The following NKX2-2 variants were observed in gnomAD, a reference collection of about 807,000 sequenced individuals.
NKX2-2 encodes NK2 homeobox 2, also known as homeobox protein Nkx-2.2.
A neutral mutation model predicts 24.6 loss-of-function variants in NKX2-2; 8 were observed. The ratio of observed to expected loss-of-function variants is 0.32; its 90% CI spans 0.19 to 0.59. NKX2-2 has a LOEUF of 0.59. Among genes scored for constraint, NKX2-2 ranks in the 20% least tolerant of loss-of-function variants. The pLI is 0.86. For missense variants in NKX2-2, 381 were observed against 373.9 expected, an observed-to-expected ratio of 1.02 and a Z score of -0.16; for synonymous variants, 217 against 173.3, an observed-to-expected ratio of 1.25 and a Z score of -1.98.
chr20:21,516,431 C>A (rs1247329948), upstream of NKX2-2, among the ~76,000 whole-genome samples: 1 of 147,258 alleles, frequency 6.8e-6, no homozygotes, highest in Non-Finnish European at 1.5e-5. Flanking sequence ...CTGTCTTTCT[C>A]AGCGCCCCCC....
chr20:21,522,313 G>T, the NKX2-2 span, among the ~76,000 whole-genome samples: 1 of 152,270 alleles, frequency 6.6e-6, no homozygotes, highest in African/African-American at 2.4e-5. Context: ...GAGCTCCGGC[G>T]CCGCTCGGCG....
In NKX2-2 at chr20:21,513,477, AG is replaced by A; in HGVS notation, c.192del (p.Phe65SerfsTer119). On this transcript the variant is annotated frameshift_variant, in exon 1 of 2. Coordinates refer to ENST00000377142, the MANE Select transcript of NKX2-2 (RefSeq NM_002509.4). LOFTEE classifies it high-confidence loss of function. This position sits in a 1 kb window ranked among gnomAD's most constrained non-coding sequence, Gnocchi z 4.6. ...DAVQSLPLKN[P>X]FYDSSDNPYT... ...TACGGGTTGTCGCTGCTGTCGTAGAAGGGGTTCTTCAGGGGCAGGCTCTGCA... is the reference window on the plus strand; with the variant it reads ...TACGGGTTGTCGCTGCTGTCGTAGAAGGGTTCTTCAGGGGCAGGCTCTGCA... 1 of 1,610,212 alleles carries A rather than the reference AG, an allele frequency of 6.2e-7. No homozygotes were observed. Among genetic ancestry groups the A allele is most frequent in the Non-Finnish European group, 8.5e-7 (1 of 1,178,274 alleles).
upstream of NKX2-2, among the ~76,000 whole-genome samples, chr20:21,516,324 C>G (rs941986547): frequency 6.6e-6 from 1 of 151,892 alleles, no homozygotes; most frequent in Non-Finnish European, 1.5e-5. Flanking sequence ...TCCTTCCCCC[C>G]TTTTTTCCCC....
chr20:21,522,214 T>A, the NKX2-2 span, among the ~76,000 whole-genome samples: 1 of 152,212 alleles, frequency 6.6e-6, no homozygotes, highest in African/African-American at 2.4e-5. Context: ...CTTGCCCACC[T>A]GCTGCGTCCG....
the NKX2-2 span, among the ~76,000 whole-genome samples, chr20:21,521,688 G>A: frequency 5.7e-4 from 87 of 152,342 alleles, no homozygotes; most frequent in African/African-American, 2.0e-3. Context: ...CGCACAGGGG[G>A]CGACTTACCC....
upstream of NKX2-2, among the ~76,000 whole-genome samples, chr20:21,515,616 T>C (rs946247294): frequency 1.4e-5 from 2 of 143,560 alleles, no homozygotes; most frequent in Non-Finnish European, 3.0e-5. Flanking sequence ...GGTGCAGGGG[T>C]GTAGATTGGC....
chr20:21,516,111 T>C (rs1980631943), upstream of NKX2-2, among the ~76,000 whole-genome samples: 1 of 152,238 alleles, frequency 6.6e-6, no homozygotes, highest in Admixed American at 6.5e-5. Flanking sequence ...AAATAATACA[T>C]GATTGACGCT....
chr20:21,519,448 A>G, the NKX2-2 span, among the ~76,000 whole-genome samples: 3 of 152,052 alleles, frequency 2.0e-5, no homozygotes, highest in Non-Finnish European at 4.4e-5. Flanking sequence ...TCGGAGGGGG[A>G]AGGTTTATTT....
At chr20:21,521,612 G>T in the NKX2-2 span, among the ~76,000 whole-genome samples, 1 of 152,176 alleles carries the variant, frequency 6.6e-6, no homozygotes, top group Admixed American at 6.5e-5. Context: ...TCCACTGGGC[G>T]CCATCTCCAA....
the NKX2-2 span, among the ~76,000 whole-genome samples, chr20:21,522,122 G>A: frequency 6.6e-6 from 1 of 152,260 alleles, no homozygotes. Context: ...CTGCAGGCGC[G>A]ACAGAGGGGC....
upstream of NKX2-2, among the ~76,000 whole-genome samples, chr20:21,517,337 C>A (rs1296103983): frequency 6.6e-6 from 1 of 152,178 alleles, no homozygotes; most frequent in East Asian, 1.9e-4. Flanking sequence ...CTGGGGGCAG[C>A]TGGGCAGGGA....
rs765699044 is a variant in NKX2-2, at chr20:21,512,214, C to T, written c.531G>A (p.Gln177=). The part of the protein sequence containing the change: ...LTPTQVKIWF[Q]NHRYKMKRAR... ...CGCGCTTCATCTTGTAGCGGTGGTTCTGGAACCAGATCTTGACCTGCGTGG... is the reference window on the plus strand; with the variant it reads ...CGCGCTTCATCTTGTAGCGGTGGTTTTGGAACCAGATCTTGACCTGCGTGG... Residue 177 remains glutamine, a synonymous_variant, in exon 2 of 2, where the codon CAG becomes CAA. Transcript: ENST00000377142. The T allele has an allele frequency of 1.2e-6, 2 of 1,614,008 alleles. No individual in the cohort carries two copies. Among genetic ancestry groups the T allele is most frequent in the South Asian group, 2.2e-5 (2 of 91,080 alleles).
Position 21,513,489 on chromosome 20 carries a change from G to A in NKX2-2, c.181C>T (p.Leu61=), listed in dbSNP as rs1172538206. 2.5e-6 allele frequency: 4 copies of A among 1,612,036 alleles called. No individual in the cohort carries two copies. The Admixed American group carries it at 6.7e-5, about 27-fold the overall frequency. Residue 61 remains leucine (L), a synonymous_variant, in exon 1 of 2, where the codon CTG becomes TTG. Coordinates refer to ENST00000377142, the MANE Select transcript of NKX2-2 (RefSeq NM_002509.4). The surrounding 1 kb of genome is among the most constrained non-coding windows in gnomAD (Gnocchi z 4.6). ...CTGCTGTCGTAGAAGGGGTTCTTCA[G>A]GGGCAGGCTCTGCACCGCGTCCAGG... The part of the protein sequence containing the change: ...GALDAVQSLP[L]KNPFYDSSDN...
At chr20:21,514,255 G>A (rs1479262354), upstream of NKX2-2, among the ~76,000 whole-genome samples, 1 of 152,144 alleles carries the variant, frequency 6.6e-6, no homozygotes, top group Non-Finnish European at 1.5e-5. Flanking sequence ...CCACGTGTGG[G>A]CGGGTCTTGG....
At chr20:21,522,140 G>T in the NKX2-2 span, among the ~76,000 whole-genome samples, 27,270 of 152,278 alleles carry the variant, frequency 0.18, 2,471 homozygotes, top group East Asian at 0.22. Context: ...GGCCCTGCCC[G>T]TCCTCGAGTG....
In NKX2-2 at chr20:21,511,823, A is replaced by G; in HGVS notation, c.*100T>C. The G allele has an allele frequency of 1.3e-6, 1 of 742,230 alleles. No individual in the cohort carries two copies. The highest frequency in any genetic ancestry group is 2.0e-6 in the Non-Finnish European group (1 of 504,028). 46.0% of individuals were successfully genotyped at this position (742,230 alleles called of 1,614,324 possible). A position where few individuals can be genotyped will look rare whatever the true frequency, so the allele number is the denominator to read the frequency against. The stretch of plus-strand genomic sequence containing the variant: ...AACTCGACTCCATAATAATAATTAT[A>G]ATAATAATAATAACCACCATAAGGA... On this transcript the variant is annotated 3_prime_UTR_variant, in exon 2 of 2. Transcript: ENST00000377142.
rs1980428380 is a variant in NKX2-2 at position 21,511,546 on chromosome 20, T to TGTAAAAAA, written c.*376_*377insTTTTTTAC. 5.4e-6 allele frequency: 1 copy of TGTAAAAAA among 186,698 alleles called. No individual in the cohort carries two copies. The highest frequency in any genetic ancestry group is 1.1e-5 in the Non-Finnish European group (1 of 91,526). 11.6% of individuals were successfully genotyped at this position (186,698 alleles called of 1,614,324 possible). On this transcript the variant is annotated 3_prime_UTR_variant, in exon 2 of 2. Transcript: ENST00000377142. ...ACTCACACAAACATATTTTACAAAA[T>TGTAAAAAA]GCACGAAAGCAGGGGTGGGGGGTCG...
At chr20:21,515,851 G>T (rs1316821834), upstream of NKX2-2, among the ~76,000 whole-genome samples, 3 of 152,192 alleles carry the variant, frequency 2.0e-5, no homozygotes, top group Non-Finnish European at 4.4e-5. Flanking sequence ...CGCTGGGTGA[G>T]GGCACCTCTC....
rs1459913139 is a variant in NKX2-2 at position 21,512,440 on chromosome 20, T to A, written c.305A>T (p.Lys102Met). 2 of 1,589,558 alleles carry A rather than the reference T, an allele frequency of 1.3e-6. No homozygotes were observed. Among genetic ancestry groups the A allele is most frequent in the South Asian group, 2.3e-5 (2 of 88,528 alleles). Residue 102 changes from lysine to methionine, a missense_variant, in exon 2 of 2, where the codon AAG becomes ATG. Physicochemically the swap from Lys to Met is moderately conservative, Grantham distance 95. This residue lies in a region of NKX2-2 where 206 missense variants were observed against 173.1 expected (regional missense o/e 1.19). Transcript: ENST00000377142. ...CTCGTCGGCCGAGGGCTCCGGGGAC[T>A]TGGAGCTTGAGTCCTGAGGGGGCGC... is the stretch of plus-strand genomic sequence containing the variant. ...AGAPPQDSSSKSPEPSADESP... is the reference protein window; with the variant it reads ...AGAPPQDSSSMSPEPSADESP...
Sources: allele counts gnomAD v4.1 joint callset (sites outside exome capture counted in the v4.1 genomes callset), GRCh38; gene constraint gnomAD v4.1.1; regional missense constraint gnomAD v4.1.1; non-coding constraint Gnocchi (gnomAD v3.1); transcripts MANE v1.5; gene names NCBI Gene and HGNC (gene_info 2026-07-23, HGNC 2026-07-21).